Variants in ANO4 observed in about 807,000 individuals in gnomAD.
ANO4 encodes anoctamin 4, also known as anoctamin-4.
Under a neutral mutation model 141.9 loss-of-function variants are expected in ANO4, and 69 were observed. That is an observed-to-expected ratio of 0.49 (90% CI 0.40 to 0.59). The LOEUF (loss-of-function observed/expected upper bound fraction) is 0.59, where lower values mean the gene tolerates loss of function less well. Ranked by LOEUF, ANO4 falls within the 20% of genes least tolerant of loss-of-function variation. The probability of loss-of-function intolerance (pLI) is 0.00; values close to 1 mark genes in which losing one functional copy is unlikely to be tolerated. For synonymous variants in ANO4, 350 were observed against 394.3 expected (o/e 0.89, Z 1.33); for missense variants, 894 against 1,162.2 (o/e 0.77, Z 3.36).
chr12:101,047,250 AAAAC>A (rs756917818), intron 13 of ANO4, among the ~76,000 whole-genome samples: 12 of 152,112 alleles, frequency 7.9e-5, no homozygotes, highest in South Asian at 2.1e-4. Context: ...ATCCATCTCA[AAAAC>A]AAACAAACAA....
intron 7 of ANO4, among the ~76,000 whole-genome samples, chr12:100,980,505 A>T (rs1279624277): frequency 6.6e-6 from 1 of 152,196 alleles, no homozygotes; most frequent in Non-Finnish European, 1.5e-5. Flanking sequence ...ACTGACCTCC[A>T]ATATCCTAAA....
At chr12:101,083,574 G>A in intron 15 of ANO4, 104 bp from the exon 16 acceptor site, 1 of 1,375,608 alleles carries the variant, frequency 7.3e-7, no homozygotes, top group Non-Finnish European at 9.9e-7. Context: ...ACTAATTAGT[G>A]TGGCAGCTGT....
intron 8 of ANO4, among the ~76,000 whole-genome samples, chr12:101,015,524 G>A (rs2046282103): frequency 6.6e-6 from 1 of 152,070 alleles, no homozygotes; most frequent in Non-Finnish European, 1.5e-5. Flanking sequence ...TAATAATTTA[G>A]GTTATTTCCA....
In ANO4 at chr12:101,008,779, G is replaced by A. The variant is rs891502794; in HGVS notation, c.735-11255G>A. Among the ~76,000 whole-genome samples, 3 of 152,004 alleles carry A rather than the reference G, an allele frequency of 2.0e-5. No homozygotes were observed. The South Asian group carries it at 6.2e-4, about 31-fold the overall frequency. On this transcript the variant is annotated intron_variant, in intron 8 of 27. Coordinates refer to ENST00000392977, the MANE Select transcript of ANO4 (RefSeq NM_001286615.2). Reference sequence around the variant, plus strand: ...TTCAAGATGTTCAGATGCATCATACGTAATCAATTTCATCTTCCTGAGAAA... The same window carrying A: ...TTCAAGATGTTCAGATGCATCATACATAATCAATTTCATCTTCCTGAGAAA...
At chr12:100,876,208 G>C (rs2039293757) in intron 1 of ANO4, among the ~76,000 whole-genome samples, 1 of 148,068 alleles carries the variant, frequency 6.8e-6, no homozygotes, top group East Asian at 2.0e-4. Flanking sequence ...TAAGTGTGGG[G>C]TTCTGAAGGC....
At chr12:101,001,894 G>T (rs955770619) in intron 8 of ANO4, among the ~76,000 whole-genome samples, 17 of 152,116 alleles carry the variant, frequency 1.1e-4, no homozygotes, top group African/African-American at 3.9e-4. Flanking sequence ...GTCTTTGTCT[G>T]TGGGGAAAAA....
At chr12:100,978,640 T>C (rs1039940910) in intron 7 of ANO4, among the ~76,000 whole-genome samples, 1 of 152,030 alleles carries the variant, frequency 6.6e-6, no homozygotes, top group Non-Finnish European at 1.5e-5. Context: ...CCTGGATGGA[T>C]AAAAAAATAA....
chr12:100,807,995 T>G (rs1444467236), intron 1 of ANO4, among the ~76,000 whole-genome samples: 1 of 152,206 alleles, frequency 6.6e-6, no homozygotes, highest in Admixed American at 6.5e-5. Flanking sequence ...TTTCATATCT[T>G]TACTATTGTG....
intron 2 of ANO4, among the ~76,000 whole-genome samples, chr12:100,913,076 TAAC>T (rs991219649): frequency 3.3e-5 from 5 of 152,170 alleles, no homozygotes; most frequent in Admixed American, 6.5e-5. Context: ...ATTTGCTGAG[TAAC>T]AACATTATTT....
intron 1 of ANO4, among the ~76,000 whole-genome samples, chr12:100,799,021 G>A (rs2034520765): frequency 1.3e-5 from 2 of 152,148 alleles, no homozygotes; most frequent in Admixed American, 1.3e-4. Flanking sequence ...GAGGGAGTGA[G>A]TGTCTGGAGA....
intron 1 of ANO4, among the ~76,000 whole-genome samples, chr12:100,876,864 T>G (rs890518646): frequency 6.6e-6 from 1 of 152,248 alleles, no homozygotes; most frequent in Non-Finnish European, 1.5e-5. Context: ...AGCTATGTAA[T>G]ATGTTTTGAA....
chr12:100,892,639 T>A (rs1458926532), intron 1 of ANO4, among the ~76,000 whole-genome samples: 1 of 152,238 alleles, frequency 6.6e-6, no homozygotes, highest in African/African-American at 2.4e-5. Flanking sequence ...AGCAAAGTAT[T>A]TACATATTAC....
intron 1 of ANO4, among the ~76,000 whole-genome samples, chr12:100,854,953 G>A (rs2038086974): frequency 6.6e-6 from 1 of 152,064 alleles, no homozygotes; most frequent in Non-Finnish European, 1.5e-5. Context: ...GCTTCGTGTA[G>A]GGAGACTGAA....
intron 2 of ANO4, among the ~76,000 whole-genome samples, chr12:100,914,105 C>A (rs1402822782): frequency 6.6e-6 from 1 of 152,164 alleles, no homozygotes; most frequent in Admixed American, 6.5e-5. Flanking sequence ...ATTCACAAAT[C>A]CTTCTTGCTA....
intron 13 of ANO4, chr12:101,048,038 G>T: frequency 8.8e-7 from 1 of 1,131,428 alleles, no homozygotes; most frequent in Non-Finnish European, 1.1e-6. Flanking sequence ...ACATATGTAC[G>T]TGTATAAGAG....
At chr12:100,883,057 GT>G (rs1217337518) in intron 1 of ANO4, among the ~76,000 whole-genome samples, 2 of 152,132 alleles carry the variant, frequency 1.3e-5, no homozygotes, top group Non-Finnish European at 2.9e-5. Context: ...TACCACAATC[GT>G]TTATGGAAAA....
chr12:101,080,181 A>G (rs2049188841), intron 15 of ANO4, among the ~76,000 whole-genome samples: 1 of 152,208 alleles, frequency 6.6e-6, no homozygotes, highest in South Asian at 2.1e-4. Context: ...ATTTTCATGT[A>G]TAAAAAAGAA....
At chr12:100,886,484 C>A (rs1360089245) in intron 1 of ANO4, among the ~76,000 whole-genome samples, 3 of 152,114 alleles carry the variant, frequency 2.0e-5, no homozygotes, top group African/African-American at 7.2e-5. Flanking sequence ...CATACCTGAA[C>A]CTTCACCATG....
intron 9 of ANO4, among the ~76,000 whole-genome samples, chr12:101,035,862 G>GT (rs2047171869): frequency 6.6e-6 from 1 of 152,130 alleles, no homozygotes; most frequent in African/African-American, 2.4e-5. Context: ...AGGGTGGAGG[G>GT]TGAGAGGAGG....
Sources: allele counts gnomAD v4.1 joint callset (sites outside exome capture counted in the v4.1 genomes callset), GRCh38; gene constraint gnomAD v4.1.1; transcripts MANE v1.5; gene names NCBI Gene and HGNC (gene_info 2026-07-23, HGNC 2026-07-21).